PCDHA10: variants seen among roughly 807,000 people sequenced by gnomAD.
The protein encoded by PCDHA10 is protocadherin alpha-10.
PCDHA10 carries 45 observed loss-of-function variants against 61.2 expected under a neutral mutation model. The ratio of observed to expected loss-of-function variants is 0.74; its 90% confidence interval spans 0.58 to 0.94. PCDHA10 has a LOEUF of 0.94. PCDHA10 is among the 40% of genes least tolerant of loss of function. The pLI, the probability that PCDHA10 is intolerant of heterozygous loss-of-function variation, is 0.00. For missense variants in PCDHA10, 1,278 were observed against 1,236.2 expected (o/e 1.03, Z -0.51); for synonymous variants, 602 against 548.8 (o/e 1.10, Z -1.35).
At chr5:140,989,105 T>A (rs550881823) in intron 3 of PCDHA10, 1 of 152,350 alleles carries the variant, frequency 6.6e-6, no homozygotes, top group Non-Finnish European at 1.5e-5. Context: ...GAAACAACTT[T>A]TGAATATATC....
At chr5:140,863,381 G>T in intron 1 of PCDHA10, 1 of 1,058,634 alleles carries the variant, frequency 9.4e-7, no homozygotes, top group Non-Finnish European at 1.4e-6. Flanking sequence ...CTCACCGAGA[G>T]CTCGTGCATG....
chr5:140,967,515 C>G, intron 1 of PCDHA10: 1 of 1,612,792 alleles, frequency 6.2e-7, no homozygotes, highest in Non-Finnish European at 8.5e-7. Flanking sequence ...GTCCTGGACA[C>G]TAACGACAAC....
chr5:140,927,247 G>A (rs782521189), intron 1 of PCDHA10: 7 of 1,613,978 alleles, frequency 4.3e-6, no homozygotes, highest in Middle Eastern at 3.3e-4. Flanking sequence ...GGACACCAAT[G>A]ACAACTCACC....
chr5:140,866,372 AT>A (rs1191186521), intron 1 of PCDHA10: 2 of 152,168 alleles, frequency 1.3e-5, no homozygotes, highest in East Asian at 3.8e-4. Context: ...GCATACTTCA[AT>A]AACAATTTTA....
chr5:140,916,819 C>T (rs2077741305), intron 1 of PCDHA10, among the ~76,000 whole-genome samples: 1 of 152,084 alleles, frequency 6.6e-6, no homozygotes, highest in Non-Finnish European at 1.5e-5. Context: ...CATGTGCCAC[C>T]CCTATCCCTC....
At chr5:140,927,854 C>T (rs1047804872) in intron 1 of PCDHA10, 1 of 1,614,222 alleles carries the variant, frequency 6.2e-7, no homozygotes, top group South Asian at 1.1e-5. Flanking sequence ...TTTGGTTTAG[C>T]TAGCACCGCT....
chr5:140,966,953 C>A, intron 1 of PCDHA10: 1 of 1,603,802 alleles, frequency 6.2e-7, no homozygotes. Flanking sequence ...CAACGTGGCT[C>A]GCGCGCTGGG....
At chr5:140,888,938 G>T (rs947628683) in intron 1 of PCDHA10, among the ~76,000 whole-genome samples, 1 of 151,864 alleles carries the variant, frequency 6.6e-6, no homozygotes, top group Admixed American at 6.6e-5. Flanking sequence ...TTTGAGGGAG[G>T]TATAAATTTT....
At chr5:140,968,094 A>T in intron 1 of PCDHA10, 1 of 1,614,138 alleles carries the variant, frequency 6.2e-7, no homozygotes, top group Non-Finnish European at 8.5e-7. Flanking sequence ...ACAGCCACAG[A>T]TGGGGGAATA....
intron 1 of PCDHA10, among the ~76,000 whole-genome samples, chr5:140,947,932 T>G (rs1444320082): frequency 1.3e-5 from 2 of 151,584 alleles, no homozygotes; most frequent in African/African-American, 4.8e-5. Flanking sequence ...CCTGATCTTA[T>G]GAGAAAAGTG....
chr5:140,917,324 C>CGGGGGGGGGGGG (rs1299895515), intron 1 of PCDHA10, among the ~76,000 whole-genome samples: 1 of 76,120 alleles, frequency 1.3e-5, no homozygotes, highest in African/African-American at 4.3e-5. Context: ...GTTCATGTGG[C>CGGGGGGGGGGGG]GGGGGAGGGG....
At chr5:140,871,465 CAG>C in intron 1 of PCDHA10, 1 of 1,602,850 alleles carries the variant, frequency 6.2e-7, no homozygotes, top group Non-Finnish European at 8.5e-7. Flanking sequence ...AGGGGAAAGA[CAG>C]GAGCCAGGGT....
chr5:140,979,949 A>G (rs1554241287), intron 2 of PCDHA10, among the ~76,000 whole-genome samples: 2 of 152,248 alleles, frequency 1.3e-5, no homozygotes, highest in African/African-American at 4.8e-5. Context: ...TTAATGTGAA[A>G]TTAGTTTTAG....
At chr5:140,875,835 G>A in intron 1 of PCDHA10, 1 of 1,614,196 alleles carries the variant, frequency 6.2e-7, no homozygotes, top group East Asian at 2.2e-5. Context: ...ATGTGGACGT[G>A]GAGGTGAAGG....
At chr5:140,908,078 A>G (rs1047293736) in intron 1 of PCDHA10, among the ~76,000 whole-genome samples, 2 of 152,202 alleles carry the variant, frequency 1.3e-5, no homozygotes, top group Admixed American at 6.5e-5. Context: ...AAAGTGCACA[A>G]CCAGGTGCAC....
chr5:140,901,815 A>T (rs1339282567), intron 1 of PCDHA10, among the ~76,000 whole-genome samples: 1 of 152,122 alleles, frequency 6.6e-6, no homozygotes, highest in African/African-American at 2.4e-5. Context: ...TACAATATTG[A>T]TTCTTCCAGT....
chr5:140,922,652 T>C (rs371970165), intron 1 of PCDHA10, among the ~76,000 whole-genome samples: 4 of 152,156 alleles, frequency 2.6e-5, no homozygotes, highest in African/African-American at 9.7e-5. Context: ...ACAGTAAATA[T>C]GGCTATACTG....
In PCDHA10 at chr5:140,966,763, G is replaced by A. The variant is rs1020607410; in HGVS notation, c.2389-12186G>A. 2.7e-6 allele frequency: 4 copies of A among 1,470,486 alleles called. No homozygotes were observed. The South Asian group carries it at 5.5e-5, about 20-fold the overall frequency. 91.1% of individuals were successfully genotyped at this position (1,470,486 alleles called of 1,614,324 possible). A position where few individuals can be genotyped will look rare whatever the true frequency, so the allele number is the denominator to read the frequency against. Reference sequence around the variant, plus strand: ...CCCGGCTGCCTCCGCCGCGGCCAGTGGCTATGGAGCAGGCGGGCACCAGAC... The same window carrying A: ...CCCGGCTGCCTCCGCCGCGGCCAGTAGCTATGGAGCAGGCGGGCACCAGAC... On this transcript the variant is annotated intron_variant, in intron 1 of 3. Transcript: ENST00000307360.
chr5:140,863,992 C>T (rs1554158598), intron 1 of PCDHA10: 3 of 152,876 alleles, frequency 2.0e-5, no homozygotes, highest in African/African-American at 7.3e-5. Context: ...CAGGGTGAAA[C>T]TCTGTCTTAA....
Sources: allele counts gnomAD v4.1 joint callset (sites outside exome capture counted in the v4.1 genomes callset), GRCh38; gene constraint gnomAD v4.1.1; transcripts MANE v1.5; gene names NCBI Gene and HGNC (gene_info 2026-07-23, HGNC 2026-07-21).